Variants in MALRD1 observed in about 807,000 individuals in gnomAD.
MALRD1 encodes MAM and LDL receptor class A domain containing 1.
Under a neutral mutation model 242.1 loss-of-function variants are expected in MALRD1, and 247 were observed. That is an observed-to-expected ratio of 1.02 (90% CI 0.92 to 1.13). The LOEUF (loss-of-function observed/expected upper bound fraction) is 1.13. Ranked by LOEUF, MALRD1 falls within the 50% of genes most tolerant of loss-of-function variation. The probability of loss-of-function intolerance (pLI) is 0.00; values close to 1 mark genes in which losing one functional copy is unlikely to be tolerated. For synonymous variants in MALRD1, 995 were observed against 866.6 expected, an observed-to-expected ratio of 1.15 and a Z score of -2.60; for missense variants, 2,989 against 2,533.1, an observed-to-expected ratio of 1.18 and a Z score of -3.86.
chr10:19,347,103 CTT>C (rs1844165309), intron 24 of MALRD1, among the ~76,000 whole-genome samples: 1 of 152,122 alleles, frequency 6.6e-6, no homozygotes, highest in Admixed American at 6.6e-5. Flanking sequence ...TTATAATTTA[CTT>C]GCCGCACGAT....
chr10:19,603,606 A>G (rs1421931553), intron 34 of MALRD1, among the ~76,000 whole-genome samples: 1 of 152,168 alleles, frequency 6.6e-6, no homozygotes, highest in Admixed American at 6.5e-5. Flanking sequence ...GCCTTGTAGT[A>G]TAGTTTGAAG....
intron 14 of MALRD1, among the ~76,000 whole-genome samples, chr10:19,180,783 C>A (rs1005870866): frequency 6.6e-6 from 1 of 152,094 alleles, no homozygotes; most frequent in Non-Finnish European, 1.5e-5. Context: ...AAAATAGCAA[C>A]CTGCATATCG....
chr10:19,346,922 T>C (rs1424350538), intron 24 of MALRD1, among the ~76,000 whole-genome samples: 1 of 152,038 alleles, frequency 6.6e-6, no homozygotes, highest in Non-Finnish European at 1.5e-5. Flanking sequence ...CATGCTAGGA[T>C]TACAGGTGTG....
At chr10:19,630,747 G>A (rs1215371910) in intron 36 of MALRD1, among the ~76,000 whole-genome samples, 1 of 152,004 alleles carries the variant, frequency 6.6e-6, no homozygotes, top group Admixed American at 6.6e-5. Flanking sequence ...TAAGTGAAAG[G>A]TATTTTATAG....
chr10:19,578,279 G>T (rs1452921869), intron 33 of MALRD1, among the ~76,000 whole-genome samples: 2 of 152,168 alleles, frequency 1.3e-5, no homozygotes, highest in South Asian at 2.1e-4. Flanking sequence ...TGTAGAAATA[G>T]CTGAAAATGA....
chr10:19,547,767 T>A (rs1479857019), intron 32 of MALRD1, among the ~76,000 whole-genome samples: 3 of 118,928 alleles, frequency 2.5e-5, no homozygotes, highest in Non-Finnish European at 5.2e-5. Context: ...TACTCCATTT[T>A]ACTGAACTTC....
chr10:19,704,073 C>G (rs1232123955), intron 38 of MALRD1, among the ~76,000 whole-genome samples: 1 of 152,102 alleles, frequency 6.6e-6, no homozygotes, highest in Non-Finnish European at 1.5e-5. Flanking sequence ...GGGGCATATC[C>G]TCTTGAAGCA....
At chr10:19,478,963 T>A (rs1334516207) in intron 29 of MALRD1, among the ~76,000 whole-genome samples, 1 of 152,244 alleles carries the variant, frequency 6.6e-6, no homozygotes, top group Non-Finnish European at 1.5e-5. Flanking sequence ...ATTCATTGAA[T>A]GTAGGAATTA....
intron 32 of MALRD1, among the ~76,000 whole-genome samples, chr10:19,556,312 T>C (rs547140911): frequency 3.5e-4 from 53 of 152,244 alleles, no homozygotes; most frequent in Non-Finnish European, 6.0e-4. Context: ...GTTTATAGTT[T>C]ACACTAGGGC....
intron 2 of MALRD1, among the ~76,000 whole-genome samples, chr10:19,086,229 A>T (rs1835664420): frequency 6.6e-6 from 1 of 152,022 alleles, no homozygotes; most frequent in Non-Finnish European, 1.5e-5. Flanking sequence ...TAGGGAAGAG[A>T]GGTTTCTTCC....
intron 36 of MALRD1, among the ~76,000 whole-genome samples, chr10:19,637,540 A>T (rs1052643813): frequency 1.3e-5 from 2 of 152,126 alleles, no homozygotes; most frequent in African/African-American, 4.8e-5. Flanking sequence ...CCAGAATTCC[A>T]GTTGAGAGAG....
intron 5 of MALRD1, among the ~76,000 whole-genome samples, chr10:19,113,820 C>G (rs573384211): frequency 9.1e-4 from 90 of 98,942 alleles, no homozygotes; most frequent in African/African-American, 3.2e-3. Flanking sequence ...CACACACACA[C>G]ACACACACAC....
intron 28 of MALRD1, among the ~76,000 whole-genome samples, chr10:19,445,756 T>G (rs1176053369): frequency 6.6e-6 from 1 of 152,188 alleles, no homozygotes; most frequent in African/African-American, 2.4e-5. Flanking sequence ...GAGACCCACT[T>G]GAGGAGGCAG....
At chr10:19,354,416 A>C (rs920581067) in intron 26 of MALRD1, among the ~76,000 whole-genome samples, 1 of 152,136 alleles carries the variant, frequency 6.6e-6, no homozygotes, top group Non-Finnish European at 1.5e-5. Flanking sequence ...GATGTAACTA[A>C]ATACCAGGAG....
intron 33 of MALRD1, among the ~76,000 whole-genome samples, chr10:19,584,158 A>G (rs960980567): frequency 3.3e-5 from 5 of 150,350 alleles, no homozygotes; most frequent in Non-Finnish European, 7.4e-5. Context: ...AATTTTGTTG[A>G]TCCTTTCAAA....
intron 33 of MALRD1, among the ~76,000 whole-genome samples, chr10:19,581,200 G>A (rs1365520294): frequency 7.6e-6 from 1 of 131,344 alleles, no homozygotes; most frequent in Non-Finnish European, 1.7e-5. Context: ...TAGTTTTCTT[G>A]TAATCTTTAT....
chr10:19,103,551 C>CA (rs61433069), intron 4 of MALRD1, among the ~76,000 whole-genome samples: 3,446 of 109,698 alleles, frequency 0.031, 86 homozygotes, highest in African/African-American at 0.06. Flanking sequence ...GACTCCGTCT[C>CA]AAAAAAAAAA....
intron 26 of MALRD1, among the ~76,000 whole-genome samples, chr10:19,363,055 C>T (rs916864436): frequency 1.3e-5 from 2 of 152,052 alleles, no homozygotes; most frequent in Non-Finnish European, 2.9e-5. Flanking sequence ...TTTGGACATG[C>T]TCAGTTTAAA....
At chr10:19,446,795 A>G (rs1332882554) in intron 28 of MALRD1, among the ~76,000 whole-genome samples, 2 of 152,098 alleles carry the variant, frequency 1.3e-5, no homozygotes, top group South Asian at 2.1e-4. Context: ...ACTCTTATTA[A>G]TGTGGTTAAT....
Sources: gnomAD v4.1 joint callset for allele counts (sites outside exome capture counted in the v4.1 genomes callset) on GRCh38, gnomAD v4.1.1 for gene constraint, MANE v1.5 for transcripts, NCBI Gene and HGNC (gene_info 2026-07-23, HGNC 2026-07-21) for gene names.